The following RBMS3 variants were observed in gnomAD, a reference collection of about 807,000 sequenced individuals.
RBMS3 encodes the protein RNA-binding motif, single-stranded-interacting protein 3.
Under a neutral mutation model 66.8 loss-of-function variants are expected in RBMS3, and 27 were observed. That is an observed-to-expected ratio of 0.40 (90% confidence interval 0.30 to 0.56). The LOEUF (loss-of-function observed/expected upper bound fraction) is 0.56. RBMS3 is among the 20% of genes least tolerant of loss of function. The pLI is 0.40. For missense variants in RBMS3, 513 were observed against 549.5 expected, an observed-to-expected ratio of 0.93 and a Z score of 0.66; for synonymous variants, 188 against 183.0, an observed-to-expected ratio of 1.03 and a Z score of -0.22.
intron 1 of RBMS3, among the ~76,000 whole-genome samples, chr3:29,315,931 C>A (rs765269540): frequency 6.6e-6 from 1 of 151,668 alleles, no homozygotes; most frequent in Non-Finnish European, 1.5e-5. Flanking sequence ...TGTTATTGTT[C>A]TTTTTCTAGC....
intron 4 of RBMS3, among the ~76,000 whole-genome samples, chr3:29,619,833 A>G (rs1238874854): frequency 6.6e-6 from 1 of 151,820 alleles, no homozygotes; most frequent in Non-Finnish European, 1.5e-5. Context: ...TACACCACTT[A>G]CATTAAGTTG....
intron 2 of RBMS3, among the ~76,000 whole-genome samples, chr3:29,450,262 C>T (rs959520287): frequency 6.6e-6 from 1 of 152,126 alleles, no homozygotes; most frequent in Non-Finnish European, 1.5e-5. Context: ...GGTATAGTGG[C>T]TGGGAATGAG....
At chr3:29,827,175 T>G (rs2058232617) in intron 6 of RBMS3, among the ~76,000 whole-genome samples, 1 of 152,158 alleles carries the variant, frequency 6.6e-6, no homozygotes, top group African/African-American at 2.4e-5. Context: ...CCTTTTTGAA[T>G]TGCTAAAGAA....
At position 29,434,891 on chromosome 3, in the gene RBMS3, A is replaced by G. The variant is rs764678291; in HGVS notation, c.224A>G (p.Gln75Arg). The G allele has an allele frequency of 1.2e-6, 2 of 1,613,960 alleles. No individual in the cohort carries two copies. Among genetic ancestry groups the G allele is most frequent in the Non-Finnish European group, 8.5e-7 (1 of 1,179,926 alleles). The change falls in exon 2 of 15, where the codon CAG becomes CGG. Residue 75 changes from glutamine (Q) to arginine (R), a missense_variant. By Grantham distance (43) the Gln-to-Arg change is conservative. Coordinates refer to ENST00000383767, the MANE Select transcript of RBMS3 (RefSeq NM_001003793.3). Reference sequence around the variant, plus strand: ...GGCCTCCCACCAGGCACCACTGACCAGGACCTAATCAAGCTGTGCCAACCG... The same window carrying G: ...GGCCTCCCACCAGGCACCACTGACCGGGACCTAATCAAGCTGTGCCAACCG... Reference protein sequence around the residue: ...IRGLPPGTTDQDLIKLCQPYG... With the variant: ...IRGLPPGTTDRDLIKLCQPYG...
At chr3:29,752,228 T>C (rs2055214443) in intron 5 of RBMS3, among the ~76,000 whole-genome samples, 1 of 152,130 alleles carries the variant, frequency 6.6e-6, no homozygotes, top group South Asian at 2.1e-4. Context: ...TTCTATGAAA[T>C]TCTGCTGTCA....
At chr3:29,613,242 A>AT (rs373498516) in intron 4 of RBMS3, among the ~76,000 whole-genome samples, 80 of 152,166 alleles carry the variant, frequency 5.3e-4, no homozygotes, top group African/African-American at 1.9e-3. Context: ...TCTGTTTTTA[A>AT]TTTTTTGAGG....
chr3:29,486,427 G>A (rs1191384190), intron 2 of RBMS3, among the ~76,000 whole-genome samples: 2 of 152,124 alleles, frequency 1.3e-5, no homozygotes, highest in Admixed American at 6.5e-5. Flanking sequence ...CTGTGCTGTC[G>A]GAAAGTCTGG....
rs1699921804 is a variant in RBMS3 at position 30,010,094 on chromosome 3, GCTT to G, written c.*6236_*6238del. ...CTCTATAAAAAAAAAAAGGGACACA[GCTT>G]CTTTTAAAACCCTTGTTTCAGTCCA... On this transcript the variant is annotated 3_prime_UTR_variant, in exon 15 of 15. Transcript: ENST00000383767. The G allele has an allele frequency of 6.6e-6, 1 of 151,582 alleles. No homozygotes were observed. The highest frequency in any genetic ancestry group is 1.5e-5 in the Non-Finnish European group (1 of 67,938). The allele number at this position is 151,582 out of a possible 1,614,324, so 9.4% of individuals were successfully genotyped here. A position where few individuals can be genotyped will look rare whatever the true frequency, so the allele number is the denominator to read the frequency against.
intron 10 of RBMS3, among the ~76,000 whole-genome samples, chr3:29,901,683 G>A (rs1355524907): frequency 6.6e-6 from 1 of 151,714 alleles, no homozygotes; most frequent in Non-Finnish European, 1.5e-5. Context: ...GATTTTCCTT[G>A]CTGTGGCTAC....
chr3:29,830,643 T>A (rs1040524313), intron 6 of RBMS3, among the ~76,000 whole-genome samples: 7 of 152,124 alleles, frequency 4.6e-5, no homozygotes, highest in African/African-American at 1.7e-4. Context: ...CTAAAAACCA[T>A]GGTTTTTTGA....
chr3:29,595,038 T>A (rs1576322205), intron 4 of RBMS3, among the ~76,000 whole-genome samples: 1 of 152,244 alleles, frequency 6.6e-6, no homozygotes, highest in Middle Eastern at 3.4e-3. Context: ...TAAACTGGGA[T>A]CCCTACTAGT....
Position 29,665,315 on chromosome 3 carries a change from A to G in RBMS3, c.400-74405A>G, listed in dbSNP as rs149914559. ...AGGAAGACACAGCCAATTATATACG[A>G]TTGATTTATTTAATTTTGTCATTTT... On this transcript the variant is annotated intron_variant, in intron 4 of 14. Transcript: ENST00000383767. Among the ~76,000 whole-genome samples, 268 of 152,356 alleles carry G rather than the reference A, an allele frequency of 1.8e-3. 4 individuals are homozygous for G. The highest frequency in any genetic ancestry group is 6.2e-3 in the African/African-American group (256 of 41,590).
intron 3 of RBMS3, among the ~76,000 whole-genome samples, chr3:29,523,002 G>A (rs1289074456): frequency 2.6e-5 from 4 of 152,206 alleles, no homozygotes; most frequent in Non-Finnish European, 5.9e-5. Flanking sequence ...GCACTGCTAT[G>A]AGTGTCATTC....
At chr3:29,385,997 G>A (rs1329090182) in intron 1 of RBMS3, among the ~76,000 whole-genome samples, 2 of 152,060 alleles carry the variant, frequency 1.3e-5, no homozygotes, top group Non-Finnish European at 2.9e-5. Context: ...TTCGTGAAAA[G>A]CCATTATTTC....
chr3:29,784,760 G>A (rs1042798330), intron 6 of RBMS3, among the ~76,000 whole-genome samples: 14 of 151,804 alleles, frequency 9.2e-5, no homozygotes, highest in Admixed American at 5.9e-4. Context: ...TTTTTGAAAC[G>A]ATAAATAAAA....
chr3:29,921,657 C>T (rs1486366983), intron 10 of RBMS3, among the ~76,000 whole-genome samples: 5 of 152,022 alleles, frequency 3.3e-5, no homozygotes, highest in East Asian at 1.9e-4. Flanking sequence ...CAGGAATTAC[C>T]GAAATGTAAT....
At chr3:29,954,088 T>C (rs1460587601) in intron 12 of RBMS3, among the ~76,000 whole-genome samples, 1 of 151,818 alleles carries the variant, frequency 6.6e-6, no homozygotes, top group East Asian at 1.9e-4. Context: ...TATTCAATGA[T>C]GATTTTTCCT....
chr3:29,367,534 G>T (rs9856513), intron 1 of RBMS3, among the ~76,000 whole-genome samples: 91,038 of 151,800 alleles, frequency 0.6, 28,291 homozygotes, highest in Non-Finnish European at 0.69. Context: ...AACATATATT[G>T]ATATTTATAA....
At chr3:29,524,618 T>G (rs960206268) in intron 3 of RBMS3, among the ~76,000 whole-genome samples, 8 of 151,680 alleles carry the variant, frequency 5.3e-5, no homozygotes, top group African/African-American at 1.5e-4. Flanking sequence ...TTTATTTATT[T>G]TTTTTAGTAG....
Sources: gnomAD v4.1 joint callset for allele counts (sites outside exome capture counted in the v4.1 genomes callset) on GRCh38, gnomAD v4.1.1 for gene constraint, MANE v1.5 for transcripts, NCBI Gene and HGNC (gene_info 2026-07-23, HGNC 2026-07-21) for gene names.